Variants in ALAS2 observed in about 807,000 individuals in gnomAD.
ALAS2 encodes 5-aminolevulinate synthase, erythroid-specific, mitochondrial.
Under a neutral mutation model 33.7 loss-of-function variants are expected in ALAS2, and 3 were observed. The ratio of observed to expected loss-of-function variants is 0.09; its 90% confidence interval spans 0.04 to 0.23. ALAS2 has a LOEUF of 0.23. Ranked by LOEUF, ALAS2 falls within the 10% of genes least tolerant of loss-of-function variation. The pLI is 1.00. For synonymous variants in ALAS2, 191 were observed against 177.3 expected (o/e 1.08, Z -0.61); for missense variants, 304 against 475.1 (o/e 0.64, Z 3.35).
chrX:55,010,600 C>T (rs768696518), intron 10 of ALAS2, among the ~76,000 whole-genome samples: 2 of 111,172 alleles, frequency 1.8e-5, no homozygotes, highest in African/African-American at 6.5e-5. Flanking sequence ...ATGCCATTCC[C>T]TTAGATATCT....
rs187733390 is a variant in ALAS2 at position 55,025,612 on chromosome X, G to A, written c.181+208C>T. 6.2e-5 allele frequency among the ~76,000 whole-genome samples: 7 copies of A among 112,137 alleles called. No individual in the cohort carries two copies. The East Asian group carries it at 8.5e-4, about 14-fold the overall frequency. On this transcript the variant is annotated intron_variant, in intron 2 of 10. Transcript: ENST00000650242. ...CTCCCAAAGTGCTGGGATTACAGGC[G>A]TGAGCCACTGTGCCTGGCCGAGAAT...
At chrX:55,018,643 A>G (rs936272079) in intron 6 of ALAS2, among the ~76,000 whole-genome samples, 1 of 111,674 alleles carries the variant, frequency 9.0e-6, no homozygotes, top group African/African-American at 3.3e-5. Flanking sequence ...AAATAGTGAG[A>G]GGAGGGATGC....
chrX:55,023,421 G>T (rs779084151), intron 4 of ALAS2, among the ~76,000 whole-genome samples: 25 of 110,878 alleles, frequency 2.3e-4, no homozygotes, highest in Non-Finnish European at 4.5e-4. Flanking sequence ...ATGGGGAAAA[G>T]GTGCTGTATG....
At chrX:55,012,802 AAAACAAAAACAAAC>A (rs1312886293) in intron 10 of ALAS2, among the ~76,000 whole-genome samples, 4 of 112,106 alleles carry the variant, frequency 3.6e-5, no homozygotes, top group Non-Finnish European at 5.6e-5. Context: ...CAAAAAAACA[AAAACAAAAACAAAC>A]AAACAAAAAC....
chrX:55,009,140 T>G lies in ALAS2; in HGVS notation c.*40A>C, dbSNP rs1935550447. The G allele has an allele frequency of 8.4e-7, 1 of 1,197,463 alleles. No individual in the cohort carries two copies. The highest frequency in any genetic ancestry group is 1.7e-5 in the African/African-American group (1 of 57,629). On this transcript the variant is annotated 3_prime_UTR_variant, in exon 11 of 11. Transcript: ENST00000650242. ...AGACAGGAGTAGGCCTGGACCCAAG[T>G]GAAGCGCAGGTGGGGTGTGAATCCT...
intron 6 of ALAS2, among the ~76,000 whole-genome samples, chrX:55,019,459 T>G (rs1245689812): frequency 9.0e-6 from 1 of 111,186 alleles, no homozygotes; most frequent in Non-Finnish European, 1.9e-5. Context: ...AACATGAAGT[T>G]GTCTGCTGAG....
At chrX:55,027,044 CAG>C (rs895140685) in intron 1 of ALAS2, among the ~76,000 whole-genome samples, 2 of 109,388 alleles carry the variant, frequency 1.8e-5, no homozygotes, top group African/African-American at 6.7e-5. Flanking sequence ...GAGATGAAAA[CAG>C]AGATTGAGTC....
intron 3 of ALAS2, 136 bp downstream of exon 3, chrX:55,024,582 G>T: frequency 1.2e-6 from 1 of 865,138 alleles, no homozygotes; most frequent in Non-Finnish European, 1.7e-6. Flanking sequence ...TGCCTACCAT[G>T]GCTCCCCTGG....
At chrX:55,020,932 G>T in intron 5 of ALAS2, 120 bp downstream of exon 5, 1 of 599,598 alleles carries the variant, frequency 1.7e-6, no homozygotes, top group South Asian at 2.5e-5. Flanking sequence ...GGAGGACCTT[G>T]GACAAAAGAA....
rs189437363 is a variant in ALAS2 at position 55,020,585 on chromosome X, G to C, written c.639-81C>G. On this transcript the variant is annotated intron_variant, in intron 5 of 10. Coordinates refer to ENST00000650242, the MANE Select transcript of ALAS2 (RefSeq NM_000032.5). ...GGAACTGGGTAGGTTTCTCTTCCTT[G>C]ATGGGAGTCAATGTTGAGTTAGTGA... is the stretch of plus-strand genomic sequence containing the variant. 43 of 944,492 alleles carry C rather than the reference G, an allele frequency of 4.6e-5. No homozygotes were observed. The African/African-American group carries it at 7.0e-4, about 15-fold the overall frequency. 77.8% of individuals were successfully genotyped at this position (944,492 alleles called of 1,213,427 possible). A position where few individuals can be genotyped will look rare whatever the true frequency, so the allele number is the denominator to read the frequency against.
rs1441958831 is a variant in ALAS2, at chrX:55,025,859, A to T, written c.142T>A (p.Cys48Ser). The T allele has an allele frequency of 1.7e-6, 2 of 1,211,848 alleles. No individual in the cohort carries two copies. The highest frequency in any genetic ancestry group is 1.8e-5 in the South Asian group (1 of 56,980). Reference sequence around the variant, plus strand: ...GTTGCCTTAAGGTGGATTTGAGAACAGTTTGGTCCTTGGGTAGCCAGGATG... The same window carrying T: ...GTTGCCTTAAGGTGGATTTGAGAACTGTTTGGTCCTTGGGTAGCCAGGATG... The part of the protein sequence containing the change: ...CPILATQGPN[C>S]SQIHLKATKA... Residue 48 changes from cysteine (C) to serine (S), a missense_variant, in exon 2 of 11, where the codon TGT becomes AGT. Cys to Ser is a moderately radical substitution (Grantham distance 112). Transcript: ENST00000650242.
chrX:55,022,902 G>A (rs1008791062), intron 4 of ALAS2, among the ~76,000 whole-genome samples: 35 of 111,498 alleles, frequency 3.1e-4, no homozygotes, highest in Non-Finnish European at 5.5e-4. Context: ...AGGGCACAGA[G>A]TAAAATATAT....
Position 55,023,821 on chromosome X carries a change from G to A in ALAS2, c.351C>T (p.Ser117=), listed in dbSNP as rs935422541. The A allele has an allele frequency of 4.1e-6, 5 of 1,208,951 alleles. No individual in the cohort carries two copies. Among genetic ancestry groups the A allele is most frequent in the Admixed American group, 4.4e-5 (2 of 45,645 alleles). ...AGATCTGCTCCTGCTCCTGGGGACC[G>A]GAAAATGGCTTCCTTAGGCTGACTG... ...LVSVSLRKPF[S]GPQEQEQISG... Residue 117 remains serine, a synonymous_variant, in exon 4 of 11, where the codon TCC becomes TCT. Coordinates refer to ENST00000650242, the MANE Select transcript of ALAS2 (RefSeq NM_000032.5).
Position 55,014,814 on chromosome X carries a change from A to G in ALAS2, c.1370T>C (p.Met457Thr). Residue 457 changes from methionine to threonine, a missense_variant, in exon 9 of 11, where the codon ATG becomes ACG. Met to Thr is a moderately conservative substitution (Grantham distance 81). Around this residue, in one of 3 missense-constraint regions of ALAS2, gnomAD observed 95 missense variants for 127.0 expected, o/e 0.75. Coordinates refer to ENST00000650242, the MANE Select transcript of ALAS2 (RefSeq NM_000032.5). ...GCCCCTGTCCATGAGTAGCTGGCGC[A>G]TGTGCTTGACATTGCGCTGGTGGGC... ...RRAHQRNVKHMRQLLMDRGLP... is the reference protein window; with the variant it reads ...RRAHQRNVKHTRQLLMDRGLP... 8.3e-7 allele frequency: 1 copy of G among 1,202,484 alleles called. No homozygotes were observed. The highest frequency in any genetic ancestry group is 1.1e-6 in the Non-Finnish European group (1 of 890,125).
chrX:55,028,072 A>G (rs1012225195), intron 1 of ALAS2, among the ~76,000 whole-genome samples: 7 of 111,582 alleles, frequency 6.3e-5, no homozygotes, highest in African/African-American at 2.3e-4. Flanking sequence ...ACGTGAGGTA[A>G]TTATGGCCAC....
At chrX:55,022,083 C>T (rs1047094865) in intron 4 of ALAS2, among the ~76,000 whole-genome samples, 6 of 111,773 alleles carry the variant, frequency 5.4e-5, no homozygotes, top group Non-Finnish European at 1.1e-4. Flanking sequence ...ACTTCTTTAA[C>T]CATTACCACT....
chrX:55,015,316 G>A (rs1343533567), intron 8 of ALAS2, among the ~76,000 whole-genome samples: 1 of 111,330 alleles, frequency 9.0e-6, no homozygotes, highest in Admixed American at 9.5e-5. Flanking sequence ...TGGGGGAGGG[G>A]TTTAGAAACA....
At chrX:55,026,993 G>A (rs1310125521) in intron 1 of ALAS2, among the ~76,000 whole-genome samples, 2 of 109,782 alleles carry the variant, frequency 1.8e-5, no homozygotes, top group Non-Finnish European at 3.8e-5. Context: ...GAAATTGAGG[G>A]GGAAAAAGAG....
In ALAS2 at chrX:55,014,483, AC is replaced by A. The variant is rs200440494; in HGVS notation, c.1437+263del. ...TAATTGTCTTGATCCAGTTTGAAAAACTCTGAATTATAGGCTGTGAGCACTC... is the reference window on the plus strand; with the variant it reads ...TAATTGTCTTGATCCAGTTTGAAAAATCTGAATTATAGGCTGTGAGCACTC... On this transcript the variant is annotated intron_variant, in intron 9 of 10. Transcript: ENST00000650242. Among the ~76,000 whole-genome samples, 1,814 of 110,815 alleles carry A rather than the reference AC, an allele frequency of 0.016. 44 individuals carry two copies. Among genetic ancestry groups the A allele is most frequent in the African/African-American group, 0.057 (1,734 of 30,385 alleles).
Sources: gnomAD v4.1 joint callset for allele counts (sites outside exome capture counted in the v4.1 genomes callset) on GRCh38, gnomAD v4.1.1 for gene constraint, gnomAD v4.1.1 regional missense constraint, MANE v1.5 for transcripts, NCBI Gene and HGNC (gene_info 2026-07-23, HGNC 2026-07-21) for gene names.